AK8: variants seen among roughly 807,000 people sequenced by gnomAD.
AK8 encodes adenylate kinase 8.
A neutral mutation model predicts 54.6 loss-of-function variants in AK8; 44 were observed. The observed-to-expected ratio is 0.81, with a 90% CI of 0.63 to 1.04. The LOEUF is 1.04. AK8 is among the 50% of genes least tolerant of loss of function. AK8 has a pLI of 0.00. For missense variants in AK8, 555 were observed against 613.6 expected (o/e 0.90, Z 1.01); for synonymous variants, 239 against 245.6 (o/e 0.97, Z 0.25).
intron 11 of AK8, among the ~76,000 whole-genome samples, chr9:132,751,585 T>A (rs1257709038): frequency 1.3e-5 from 2 of 150,534 alleles, no homozygotes; most frequent in Non-Finnish European, 3.0e-5. Context: ...TGTCTGTGAA[T>A]TAAGTCTATG....
At position 132,799,312 on chromosome 9, in the gene AK8, G is replaced by A. The variant is rs966769180; in HGVS notation, c.980-6537C>T. Among the ~76,000 whole-genome samples, 3 of 152,148 alleles carry A rather than the reference G, an allele frequency of 2.0e-5. No individual in the cohort carries two copies. Among genetic ancestry groups the A allele is most frequent in the African/African-American group, 7.2e-5 (3 of 41,408 alleles). ...AAGATAGGACAAAAAGTGGAGAGAA[G>A]GAAATAGCTCCTTCAGCCAGTGGCT... On this transcript the variant is annotated intron_variant, in intron 10 of 12. Transcript: ENST00000298545. The surrounding 1 kb of genome is among the most constrained non-coding windows in gnomAD (Gnocchi z 5.0).
intron 11 of AK8, among the ~76,000 whole-genome samples, chr9:132,789,419 A>G (rs215154): frequency 0.83 from 126,526 of 151,542 alleles, 52,882 homozygotes; most frequent in East Asian, 0.88. Flanking sequence ...CCGACATGGT[A>G]AAACCCGTCT....
At chr9:132,870,613 C>G (rs1175227811) in intron 2 of AK8, among the ~76,000 whole-genome samples, 1 of 152,244 alleles carries the variant, frequency 6.6e-6, no homozygotes, top group African/African-American at 2.4e-5. Context: ...TTTCTGGCGG[C>G]GAAGGGGCTG....
chr9:132,784,887 A>G (rs755574662), intron 11 of AK8, among the ~76,000 whole-genome samples: 1 of 152,244 alleles, frequency 6.6e-6, no homozygotes, highest in Non-Finnish European at 1.5e-5. Flanking sequence ...CCAGTTTTAA[A>G]GAGAATAAAA....
At chr9:132,795,762 C>T (rs1840143854) in intron 10 of AK8, among the ~76,000 whole-genome samples, 1 of 152,114 alleles carries the variant, frequency 6.6e-6, no homozygotes, top group African/African-American at 2.4e-5. Flanking sequence ...AACAAATAAC[C>T]ATTTCTAAGA....
At position 132,863,671 on chromosome 9, in the gene AK8, T is replaced by C; in HGVS notation, c.327A>G (p.Gln109=). ...TATEARRLYL[Q]RKTVPSALLV... ...TCCCCGGGGCCAGTCCTACCTTCCT[T>C]TGCAGATAAAGCCTTCTGGCTTCGG... is the stretch of plus-strand genomic sequence containing the variant. Residue 109 remains glutamine, a synonymous_variant, in exon 4 of 13, where the codon CAA becomes CAG. Transcript: ENST00000298545. The C allele has an allele frequency of 6.2e-7, 1 of 1,612,322 alleles. No homozygotes were observed. The highest frequency in any genetic ancestry group is 1.1e-5 in the South Asian group (1 of 90,990).
At chr9:132,742,758 T>C (rs1837454106) in intron 11 of AK8, among the ~76,000 whole-genome samples, 1 of 152,162 alleles carries the variant, frequency 6.6e-6, no homozygotes, top group Non-Finnish European at 1.5e-5. Flanking sequence ...TAATATGTAA[T>C]AACAACACAG....
At chr9:132,740,081 G>C (rs964633116) in intron 11 of AK8, among the ~76,000 whole-genome samples, 1 of 152,224 alleles carries the variant, frequency 6.6e-6, no homozygotes, top group Non-Finnish European at 1.5e-5. Context: ...ATGCGGAAGA[G>C]AAGTGCACAT....
At chr9:132,853,783 C>CAAAAAAAA (rs71376669) in intron 5 of AK8, among the ~76,000 whole-genome samples, 20 of 42,588 alleles carry the variant, frequency 4.7e-4, no homozygotes, top group African/African-American at 1.0e-3. Context: ...GACTCTGCCT[C>CAAAAAAAA]AAAAAAAAAA....
chr9:132,857,571 G>A (rs1300596891), intron 4 of AK8, among the ~76,000 whole-genome samples: 1 of 152,030 alleles, frequency 6.6e-6, no homozygotes, highest in Non-Finnish European at 1.5e-5. Flanking sequence ...CAGCCCCTCA[G>A]GTCCTCTCCT....
chr9:132,779,483 G>A (rs975463028), intron 11 of AK8, among the ~76,000 whole-genome samples: 1 of 152,152 alleles, frequency 6.6e-6, no homozygotes, highest in Non-Finnish European at 1.5e-5. Context: ...CACCATGCGC[G>A]GCTTAGCGTG....
At position 132,727,435 on chromosome 9, in the gene AK8, CCAGG is replaced by C. The variant is rs1399486598; in HGVS notation, c.1202+15_1202+18del. On this transcript the variant is annotated intron_variant, in intron 12 of 12. Coordinates refer to ENST00000298545, the MANE Select transcript of AK8 (RefSeq NM_152572.3). ...CTGGCAGTCCCCAGACTGCCAACCA[CCAGG>C]AACACAGCACAAACCTTTCCCCAGT... The C allele has an allele frequency of 1.2e-6, 2 of 1,613,530 alleles. No homozygotes were observed. Among genetic ancestry groups the C allele is most frequent in the Non-Finnish European group, 1.7e-6 (2 of 1,179,598 alleles).
At chr9:132,785,299 C>T (rs215159) in intron 11 of AK8, among the ~76,000 whole-genome samples, 101,581 of 151,750 alleles carry the variant, frequency 0.67, 34,092 homozygotes, top group East Asian at 0.81. Context: ...AGACAGGGTT[C>T]CACCATATTG....
intron 9 of AK8, among the ~76,000 whole-genome samples, chr9:132,821,782 T>G (rs1212209853): frequency 7.2e-6 from 1 of 139,092 alleles, no homozygotes; most frequent in African/African-American, 2.6e-5. Context: ...TATGTGTATG[T>G]ATATACAAAT....
At chr9:132,869,182 AATATCT>A (rs954454756) in intron 2 of AK8, among the ~76,000 whole-genome samples, 30 of 152,308 alleles carry the variant, frequency 2.0e-4, no homozygotes, top group Admixed American at 8.5e-4. Context: ...TTCGTCTCAA[AATATCT>A]ATATCTATAT....
chr9:132,858,761 G>C (rs1315537869), intron 4 of AK8, among the ~76,000 whole-genome samples: 1 of 152,194 alleles, frequency 6.6e-6, no homozygotes, highest in South Asian at 2.1e-4. Context: ...AGTTTGGGAG[G>C]GGGAGACAGG....
At chr9:132,856,956 T>C (rs932726086) in intron 4 of AK8, among the ~76,000 whole-genome samples, 2 of 152,126 alleles carry the variant, frequency 1.3e-5, no homozygotes, top group African/African-American at 4.8e-5. Flanking sequence ...GGGGTCACCA[T>C]GTTTCTACGA....
chr9:132,872,196 C>T (rs1043688804), intron 2 of AK8, among the ~76,000 whole-genome samples: 4 of 151,976 alleles, frequency 2.6e-5, no homozygotes, highest in African/African-American at 7.3e-5. Flanking sequence ...ATTAGCCAGG[C>T]GCAGTAGCAT....
upstream of AK8, chr9:132,878,352 T>C: frequency 7.9e-7 from 1 of 1,259,060 alleles, no homozygotes; most frequent in Non-Finnish European, 1.0e-6. The surrounding 1 kb of genome is among the most constrained non-coding windows in gnomAD (Gnocchi z 4.7). Context: ...CCCTGCAGGC[T>C]CCGCGCCGGG....
Sources: gnomAD v4.1 joint callset for allele counts (sites outside exome capture counted in the v4.1 genomes callset) on GRCh38, gnomAD v4.1.1 for gene constraint, Gnocchi (gnomAD v3.1) non-coding constraint, MANE v1.5 for transcripts, NCBI Gene and HGNC (gene_info 2026-07-23, HGNC 2026-07-21) for gene names.